Variants in PDE7B observed in about 807,000 individuals in gnomAD.
PDE7B encodes 3',5'-cyclic-AMP phosphodiesterase 7B.
A neutral mutation model predicts 56.2 loss-of-function variants in PDE7B; 29 were observed. That is an observed-to-expected ratio of 0.52 (90% CI 0.38 to 0.70). The LOEUF is 0.70. PDE7B is among the 30% of genes least tolerant of loss of function. The pLI, the probability that PDE7B is intolerant of heterozygous loss-of-function variation, is 0.00. For missense variants in PDE7B, 490 were observed against 565.0 expected (o/e 0.87, Z 1.35); for synonymous variants, 197 against 196.9 (o/e 1.00, Z 0.00).
At chr6:135,906,859 A>G (rs111422584) in intron 1 of PDE7B, among the ~76,000 whole-genome samples, 1 of 98,212 alleles carries the variant, frequency 1.0e-5, no homozygotes, top group Non-Finnish European at 1.9e-5. Context: ...TTTTCCCAGG[A>G]TGTCATTGTG....
intron 1 of PDE7B, among the ~76,000 whole-genome samples, chr6:135,885,346 C>G (rs1486039694): frequency 7.4e-6 from 1 of 135,606 alleles, no homozygotes; most frequent in East Asian, 2.2e-4. Context: ...TTTTTTTTAT[C>G]TCACTGCCAC....
chr6:136,041,681 A>G (rs1489070256), intron 2 of PDE7B, among the ~76,000 whole-genome samples: 1 of 152,270 alleles, frequency 6.6e-6, no homozygotes, highest in Non-Finnish European at 1.5e-5. Flanking sequence ...AGTTATCAGC[A>G]TGCTTGAGGT....
chr6:135,947,439 A>G, intron 1 of PDE7B, 25 bp from the exon 2 acceptor site: 1 of 1,573,616 alleles, frequency 6.4e-7, no homozygotes, highest in Non-Finnish European at 8.7e-7. Flanking sequence ...ATCTTAAAAT[A>G]ACCTTGGCTA....
intron 3 of PDE7B, among the ~76,000 whole-genome samples, chr6:136,113,847 C>T (rs1253559578): frequency 2.6e-5 from 4 of 152,172 alleles, no homozygotes; most frequent in Admixed American, 2.6e-4. Flanking sequence ...ACAGCTCTGT[C>T]TCCTGATTTA....
At chr6:135,881,563 C>T (rs1469435396) in intron 1 of PDE7B, among the ~76,000 whole-genome samples, 4 of 152,058 alleles carry the variant, frequency 2.6e-5, no homozygotes, top group East Asian at 1.9e-4. Context: ...AGGCAGGTCC[C>T]GCAATATATT....
intron 1 of PDE7B, among the ~76,000 whole-genome samples, chr6:135,932,887 G>A (rs1222284329): frequency 6.6e-6 from 1 of 152,164 alleles, no homozygotes; most frequent in Non-Finnish European, 1.5e-5. Flanking sequence ...ATCCAAAGTG[G>A]AAAGTCAGGT....
intron 2 of PDE7B, among the ~76,000 whole-genome samples, chr6:136,088,390 C>T (rs1168640231): frequency 6.6e-6 from 1 of 152,148 alleles, no homozygotes; most frequent in African/African-American, 2.4e-5. Context: ...CATAAATTTA[C>T]AAACACTCAT....
chr6:135,979,726 C>A (rs1775260194), intron 2 of PDE7B, among the ~76,000 whole-genome samples: 1 of 151,994 alleles, frequency 6.6e-6, no homozygotes, highest in Admixed American at 6.6e-5. Flanking sequence ...ACCTAGGAAT[C>A]CAACTTACAA....
intron 2 of PDE7B, among the ~76,000 whole-genome samples, chr6:135,995,260 A>G (rs1775544958): frequency 6.7e-6 from 1 of 148,986 alleles, no homozygotes; most frequent in South Asian, 2.1e-4. Context: ...ATACTAATCC[A>G]TCTAAATCCA....
At chr6:136,038,823 G>C (rs1399427151) in intron 2 of PDE7B, among the ~76,000 whole-genome samples, 3 of 152,204 alleles carry the variant, frequency 2.0e-5, no homozygotes, top group Non-Finnish European at 4.4e-5. Flanking sequence ...CCACCAAGGA[G>C]GGGGTGGAAT....
chr6:136,106,614 A>T (rs1229237458), intron 2 of PDE7B, among the ~76,000 whole-genome samples: 2 of 152,192 alleles, frequency 1.3e-5, no homozygotes, highest in Admixed American at 1.3e-4. Context: ...GTCCTTCACA[A>T]CCATTCTTCT....
intron 3 of PDE7B, among the ~76,000 whole-genome samples, chr6:136,124,797 A>G (rs147496612): frequency 6.6e-6 from 1 of 152,324 alleles, no homozygotes; most frequent in African/African-American, 2.4e-5. Context: ...TGGATGGCGT[A>G]TTTTATTTTT....
chr6:135,997,174 T>C (rs1775580323), intron 2 of PDE7B, among the ~76,000 whole-genome samples: 1 of 151,836 alleles, frequency 6.6e-6, no homozygotes, highest in African/African-American at 2.4e-5. Flanking sequence ...TCCCAGCACT[T>C]TGGGAGGCCA....
intron 2 of PDE7B, among the ~76,000 whole-genome samples, chr6:136,099,721 G>GT (rs1190425236): frequency 6.6e-6 from 1 of 152,132 alleles, no homozygotes; most frequent in Non-Finnish European, 1.5e-5. Flanking sequence ...CATTCTGTAG[G>GT]TTGCCTGTTC....
At chr6:136,003,518 A>G (rs1007488974) in intron 2 of PDE7B, among the ~76,000 whole-genome samples, 2 of 152,198 alleles carry the variant, frequency 1.3e-5, no homozygotes, top group African/African-American at 4.8e-5. Context: ...GATAAAGGGG[A>G]TATCACCACC....
intron 1 of PDE7B, 44 bp downstream of exon 1, chr6:135,852,063 G>A: frequency 1.7e-5 from 23 of 1,376,496 alleles, no homozygotes; most frequent in Non-Finnish European, 2.4e-5. Context: ...TTTCTTGAGA[G>A]AATAGAGTCA....
In PDE7B at chr6:136,005,132, G is replaced by T. The variant is rs1775755503; in HGVS notation, c.82+57608G>T. 2.0e-5 allele frequency among the ~76,000 whole-genome samples: 3 copies of T among 151,968 alleles called. No homozygotes were observed. In the South Asian group the frequency reaches 6.2e-4, roughly 31 times the overall value. ...GATTCCCTATTTAATAAATGGTGCTGGGAAAACTGGCTAGCCATATGTAGA... is the reference window on the plus strand; with the variant it reads ...GATTCCCTATTTAATAAATGGTGCTTGGAAAACTGGCTAGCCATATGTAGA... On this transcript the variant is annotated intron_variant, in intron 2 of 12. Coordinates refer to ENST00000308191, the MANE Select transcript of PDE7B (RefSeq NM_018945.4).
intron 2 of PDE7B, among the ~76,000 whole-genome samples, chr6:136,039,930 C>A (rs1776387222): frequency 6.6e-6 from 1 of 152,176 alleles, no homozygotes. Context: ...TTACAAACTG[C>A]ACCCTTTGAT....
chr6:136,188,175 T>C (rs1779170501), intron 12 of PDE7B, among the ~76,000 whole-genome samples: 2 of 152,010 alleles, frequency 1.3e-5, no homozygotes, highest in Non-Finnish European at 2.9e-5. Flanking sequence ...CATAAAATCA[T>C]CCTCAGGAAA....
Sources: allele counts gnomAD v4.1 joint callset (sites outside exome capture counted in the v4.1 genomes callset), GRCh38; gene constraint gnomAD v4.1.1; transcripts MANE v1.5; gene names NCBI Gene and HGNC (gene_info 2026-07-23, HGNC 2026-07-21).